SH3RF3: variants seen among roughly 807,000 people sequenced by gnomAD.
SH3RF3 encodes the protein E3 ubiquitin-protein ligase SH3RF3.
SH3RF3 carries 29 observed loss-of-function variants against 66.3 expected under a neutral mutation model. The observed-to-expected ratio is 0.44, with a 90% CI of 0.33 to 0.60. The LOEUF (loss-of-function observed/expected upper bound fraction) is 0.60, where lower values mean the gene tolerates loss of function less well. Ranked by LOEUF, SH3RF3 falls within the 20% of genes least tolerant of loss-of-function variation. The pLI is 0.04. For synonymous variants in SH3RF3, 583 were observed against 532.0 expected, an observed-to-expected ratio of 1.10 and a Z score of -1.32; for missense variants, 1,194 against 1,190.9, an observed-to-expected ratio of 1.00 and a Z score of -0.04.
At chr2:109,448,811 C>T (rs13403108) in intron 7 of SH3RF3, among the ~76,000 whole-genome samples, 3,975 of 152,244 alleles carry the variant, frequency 0.026, 166 homozygotes, top group African/African-American at 0.089. Context: ...TTCCACAAAA[C>T]GGGTCCTTGG....
intron 1 of SH3RF3, among the ~76,000 whole-genome samples, chr2:109,315,057 A>T (rs1176089953): frequency 1.3e-5 from 2 of 152,214 alleles, no homozygotes; most frequent in Non-Finnish European, 2.9e-5. Flanking sequence ...TGAAGAGCCC[A>T]TACACGACAC....
intron 5 of SH3RF3, among the ~76,000 whole-genome samples, chr2:109,430,998 G>T (rs1677194495): frequency 6.6e-6 from 1 of 152,208 alleles, no homozygotes; most frequent in Non-Finnish European, 1.5e-5. Flanking sequence ...TGTTCGAAAA[G>T]GGGGGCAGAT....
chr2:109,268,119 G>A (rs1465681124), intron 1 of SH3RF3, among the ~76,000 whole-genome samples: 2 of 151,988 alleles, frequency 1.3e-5, no homozygotes, highest in African/African-American at 2.4e-5. Flanking sequence ...GGGGCTGGGT[G>A]GCTCCACTCA....
At chr2:109,353,572 G>A (rs1419091688) in intron 2 of SH3RF3, among the ~76,000 whole-genome samples, 1 of 152,154 alleles carries the variant, frequency 6.6e-6, no homozygotes, top group South Asian at 2.1e-4. Flanking sequence ...GGAGTGGGGT[G>A]CCCTGTGTCA....
At position 109,296,385 on chromosome 2, in the gene SH3RF3, AC is replaced by A. The variant is rs1408847715; in HGVS notation, c.574-51286del. Among the ~76,000 whole-genome samples, 4 of 147,906 alleles carry A rather than the reference AC, an allele frequency of 2.7e-5. No homozygotes were observed. The South Asian group carries it at 8.4e-4, about 31-fold the overall frequency. ...TGGGATTACAGGTGTGCACCACCAC[AC>A]CCAGTTTTTTTTTTGTGTGTGTGTT... On this transcript the variant is annotated intron_variant, in intron 1 of 9. Transcript: ENST00000309415.
chr2:109,241,864 C>T (rs986570431), intron 1 of SH3RF3, among the ~76,000 whole-genome samples: 1 of 151,498 alleles, frequency 6.6e-6, no homozygotes, highest in East Asian at 1.9e-4. Flanking sequence ...CTCCCGGGTT[C>T]ACGCCATTCT....
chr2:109,216,649 G>A (rs891058889), intron 1 of SH3RF3, among the ~76,000 whole-genome samples: 10 of 152,244 alleles, frequency 6.6e-5, no homozygotes, highest in African/African-American at 2.4e-4. Flanking sequence ...CACCCTGCAT[G>A]CTCACTGGAA....
intron 1 of SH3RF3, among the ~76,000 whole-genome samples, chr2:109,140,639 C>T (rs1380159609): frequency 6.6e-6 from 1 of 152,160 alleles, no homozygotes; most frequent in Non-Finnish European, 1.5e-5. Flanking sequence ...CCTCAGCCTC[C>T]CAAAGTGCTG....
chr2:109,426,995 G>A (rs1677042814), intron 5 of SH3RF3, among the ~76,000 whole-genome samples: 1 of 151,580 alleles, frequency 6.6e-6, no homozygotes, highest in Non-Finnish European at 1.5e-5. Flanking sequence ...TTTGAGACGA[G>A]TCTCGCTCTG....
In SH3RF3 at chr2:109,407,368, G is replaced by A. The variant is rs1676475846; in HGVS notation, c.1299+8425G>A. The stretch of plus-strand genomic sequence containing the variant: ...TTCGTGTCTGAGAAGTAAATGAGGA[G>A]AGTTCCTTATGGAAGCTTCTGGGCA... On this transcript the variant is annotated intron_variant, in intron 4 of 9. Coordinates refer to ENST00000309415, the MANE Select transcript of SH3RF3 (RefSeq NM_001099289.3). 2.0e-5 allele frequency among the ~76,000 whole-genome samples: 3 copies of A among 152,230 alleles called. No homozygotes were observed. In the South Asian group the frequency reaches 6.2e-4, roughly 31 times the overall value.
intron 4 of SH3RF3, among the ~76,000 whole-genome samples, chr2:109,401,721 C>A (rs11890176): frequency 0.11 from 16,608 of 152,172 alleles, 1,049 homozygotes; most frequent in East Asian, 0.25. Flanking sequence ...GTACAGGATC[C>A]GGTTTCCTCT....
chr2:109,206,708 C>G (rs577257791), intron 1 of SH3RF3, among the ~76,000 whole-genome samples: 4 of 152,108 alleles, frequency 2.6e-5, no homozygotes, highest in African/African-American at 9.6e-5. Flanking sequence ...TCCAGCTACT[C>G]AGGAGACTGA....
chr2:109,301,308 T>TG (rs1214766316), intron 1 of SH3RF3, among the ~76,000 whole-genome samples: 1 of 146,102 alleles, frequency 6.8e-6, no homozygotes, highest in Non-Finnish European at 1.5e-5. Context: ...GTGTATGTGG[T>TG]GGGGGGCGGG....
At chr2:109,494,242 C>T (rs1274679674) in intron 9 of SH3RF3, among the ~76,000 whole-genome samples, 2 of 152,200 alleles carry the variant, frequency 1.3e-5, no homozygotes, top group East Asian at 1.9e-4. Context: ...GACTCACTCC[C>T]GTTCTCTGAG....
At chr2:109,264,940 G>A (rs1680453782) in intron 1 of SH3RF3, among the ~76,000 whole-genome samples, 1 of 152,168 alleles carries the variant, frequency 6.6e-6, no homozygotes, top group Admixed American at 6.5e-5. Context: ...AAGAAATGTA[G>A]GATTTTGTGG....
At chr2:109,373,730 T>C (rs1048051193) in intron 3 of SH3RF3, among the ~76,000 whole-genome samples, 4 of 152,170 alleles carry the variant, frequency 2.6e-5, no homozygotes, top group African/African-American at 4.8e-5. Flanking sequence ...ATTATGCTGC[T>C]GTAAAATGGT....
intron 4 of SH3RF3, among the ~76,000 whole-genome samples, chr2:109,408,909 C>T (rs1676518783): frequency 6.6e-6 from 1 of 152,204 alleles, no homozygotes; most frequent in East Asian, 1.9e-4. Flanking sequence ...CGAGTGAGAG[C>T]TGTGAGGAAG....
In SH3RF3 at chr2:109,440,384, G is replaced by A. The variant is rs777533692; in HGVS notation, c.1828+3238G>A. Among the ~76,000 whole-genome samples, 10 of 152,336 alleles carry A rather than the reference G, an allele frequency of 6.6e-5. No individual in the cohort carries two copies. The South Asian group carries it at 1.7e-3, about 25-fold the overall frequency. ...GCAAAGAAAGACCCGCAGTGAAGCC[G>A]AAAAGCTAAGCAGAGCAGAGCATGG... On this transcript the variant is annotated intron_variant, in intron 7 of 9. Coordinates refer to ENST00000309415, the MANE Select transcript of SH3RF3 (RefSeq NM_001099289.3).
intron 9 of SH3RF3, among the ~76,000 whole-genome samples, chr2:109,492,510 G>A (rs1253653327): frequency 2.0e-5 from 3 of 152,184 alleles, no homozygotes; most frequent in Non-Finnish European, 4.4e-5. Flanking sequence ...CATGGATTCC[G>A]GCTACGCATG....
Sources: gnomAD v4.1 joint callset for allele counts (sites outside exome capture counted in the v4.1 genomes callset) on GRCh38, gnomAD v4.1.1 for gene constraint, MANE v1.5 for transcripts, NCBI Gene and HGNC (gene_info 2026-07-23, HGNC 2026-07-21) for gene names.